The following BTN2A1 variants were observed in gnomAD, a reference collection of about 807,000 sequenced individuals.
BTN2A1 encodes the protein butyrophilin, subfamily 2, member A1.
BTN2A1 carries 41 observed loss-of-function variants against 34.5 expected under a neutral mutation model. That is an observed-to-expected ratio of 1.19 (90% CI 0.93 to 1.54). BTN2A1 has a LOEUF of 1.54. Among genes scored for constraint, BTN2A1 ranks in the 40% most tolerant of loss-of-function variants. The pLI, the probability that BTN2A1 is intolerant of heterozygous loss-of-function variation, is 0.00. For missense variants in BTN2A1, 642 were observed against 662.0 expected (o/e 0.97, Z 0.33); for synonymous variants, 267 against 258.6 (o/e 1.03, Z -0.31).
At chr6:26,472,031 A>G (rs1355889524), downstream of BTN2A1, among the ~76,000 whole-genome samples, 2 of 152,236 alleles carry the variant, frequency 1.3e-5, no homozygotes, top group African/African-American at 2.4e-5. Context: ...TTTCATGTCA[A>G]TAAATATGGA....
chr6:26,465,474 A>T (rs1391617702), intron 5 of BTN2A1, 68 bp downstream of exon 5: 3 of 1,475,742 alleles, frequency 2.0e-6, no homozygotes, highest in Non-Finnish European at 2.8e-6. Context: ...AGGCAGGCAG[A>T]TCACTTGAGC....
In BTN2A1 at chr6:26,465,414, A is replaced by G. The variant is rs1400092177; in HGVS notation, c.934+8A>G. 5.6e-6 allele frequency: 9 copies of G among 1,613,208 alleles called. No individual in the cohort carries two copies. Among genetic ancestry groups the G allele is most frequent in the Non-Finnish European group, 7.6e-6 (9 of 1,179,460 alleles). ...AAGAACTTCAAGTAAAAGGTAAAAG[A>G]GGCTGAGTATGGTGGCTCATGGCTT... On this transcript the variant is annotated splice_region_variant and intron_variant, in intron 5 of 7. Transcript: ENST00000312541.
rs1356118884 is a variant in BTN2A1, at chr6:26,469,003, C to G, written c.*454C>G. Reference sequence around the variant, plus strand: ...AGGAGAGGGAACCAGATATGCAGATCAGAGATAGAGGAAGTGGAACCAGAG... The same window carrying G: ...AGGAGAGGGAACCAGATATGCAGATGAGAGATAGAGGAAGTGGAACCAGAG... On this transcript the variant is annotated 3_prime_UTR_variant, in exon 8 of 8. Coordinates refer to ENST00000312541, the MANE Select transcript of BTN2A1 (RefSeq NM_007049.5). 2.5e-6 allele frequency: 3 copies of G among 1,189,374 alleles called. No individual in the cohort carries two copies. Among genetic ancestry groups the G allele is most frequent in the African/African-American group, 3.2e-5 (2 of 62,556 alleles). The allele number at this position is 1,189,374 out of a possible 1,614,324, so 73.7% of individuals were successfully genotyped here. A position where few individuals can be genotyped will look rare whatever the true frequency, so the allele number is the denominator to read the frequency against.
Position 26,476,112 on chromosome 6 carries a change from T to C in BTN2A1, c.983-10T>C, listed in dbSNP as rs184713324. 6 of 1,535,582 alleles carry C rather than the reference T, an allele frequency of 3.9e-6. No homozygotes were observed. In the African/African-American group the frequency reaches 6.8e-5, roughly 17 times the overall value. On this transcript the variant is annotated splice_polypyrimidine_tract_variant and intron_variant, in intron 7 of 7. Coordinates refer to the BTN2A1 transcript ENST00000469185. ...GCCTCCCTTCTCCTATGTCTCCTTTTGAGTTGTAGGGCCAGTTTGAAGCTT... is the reference window on the plus strand; with the variant it reads ...GCCTCCCTTCTCCTATGTCTCCTTTCGAGTTGTAGGGCCAGTTTGAAGCTT...
At chr6:26,471,632 CAAAAA>C (rs928702341), downstream of BTN2A1, among the ~76,000 whole-genome samples, 7 of 149,048 alleles carry the variant, frequency 4.7e-5, no homozygotes, top group Admixed American at 1.3e-4. Flanking sequence ...GTGAGACTCT[CAAAAA>C]AGAAAAGAGA....
At chr6:26,461,195 A>G (rs529473282) in intron 3 of BTN2A1, among the ~76,000 whole-genome samples, 1 of 152,336 alleles carries the variant, frequency 6.6e-6, no homozygotes, top group East Asian at 1.9e-4. Context: ...TTGACCAGTT[A>G]TGGTTTCTGC....
At chr6:26,472,454 A>G (rs1482404235), downstream of BTN2A1, among the ~76,000 whole-genome samples, 1 of 152,188 alleles carries the variant, frequency 6.6e-6, no homozygotes, top group African/African-American at 2.4e-5. Flanking sequence ...TTGTAGTATC[A>G]TTTTCTACCA....
In BTN2A1 at chr6:26,465,337, A is replaced by G. The variant is rs1763282490; in HGVS notation, c.865A>G (p.Thr289Ala). 1 of 1,614,188 alleles carries G rather than the reference A, an allele frequency of 6.2e-7. No individual in the cohort carries two copies. The highest frequency in any genetic ancestry group is 1.3e-5 in the African/African-American group (1 of 75,034). Reference protein sequence around the residue: ...LSGEKEFERETREIALKELEK... With the variant: ...LSGEKEFEREAREIALKELEK... ...AGGGGAAAAGGAGTTTGAACGGGAA[A>G]CAAGAGAAATTGCTCTAAAGGAACT... Residue 289 changes from threonine (T) to alanine (A), a missense_variant, in exon 5 of 8, where the codon ACA becomes GCA. Coordinates refer to ENST00000312541, the MANE Select transcript of BTN2A1 (RefSeq NM_007049.5).
In BTN2A1 at chr6:26,468,645, T is replaced by G. The variant is rs147833036; in HGVS notation, c.*96T>G. 1 of 1,613,930 alleles carries G rather than the reference T, an allele frequency of 6.2e-7. No individual in the cohort carries two copies. The highest frequency in any genetic ancestry group is 8.5e-7 in the Non-Finnish European group (1 of 1,180,006). ...TGGTGGAAGACACGCCCTCCTCCCC[T>G]CTGGTCACACAAGAGAACATCTTCC... On this transcript the variant is annotated 3_prime_UTR_variant, in exon 8 of 8. Transcript: ENST00000312541.
At position 26,468,545 on chromosome 6, in the gene BTN2A1, T is replaced by C. The variant is rs2113867642; in HGVS notation, c.1580T>C (p.Leu527Pro). 1.9e-6 allele frequency: 3 copies of C among 1,614,080 alleles called. No individual in the cohort carries two copies. The highest frequency in any genetic ancestry group is 2.5e-6 in the Non-Finnish European group (3 of 1,180,016). ...CACAGAGTGGGGACCCACCAGAGCC[T>C]ATAGAATCAATTCCTTGGTCTCACA... ...TLHRVGTHQSL is the reference protein window; with the variant it reads ...TLHRVGTHQSP Residue 527 changes from leucine (L) to proline (P), a missense_variant, in exon 8 of 8, where the codon CTA becomes CCA. Transcript: ENST00000312541.
rs776245238 is a variant in BTN2A1 at position 26,466,077 on chromosome 6, T to C, written c.971T>C (p.Phe324Ser). 1 of 1,613,892 alleles carries C rather than the reference T, an allele frequency of 6.2e-7. No individual in the cohort carries two copies. The highest frequency in any genetic ancestry group is 1.1e-5 in the South Asian group (1 of 91,068). Reference protein sequence around the residue: ...LQEELRWRRTFLHAVDVVLDP... With the variant: ...LQEELRWRRTSLHAVDVVLDP... The stretch of plus-strand genomic sequence containing the variant: ...TCCCTTGCAGGATGGAGAAGAACAT[T>C]CTTACATGCTGGTGAGTGCCTCTGA... Residue 324 changes from phenylalanine (F) to serine (S), a missense_variant, in exon 7 of 8, where the codon TTC (phenylalanine) becomes TCC (serine). Physicochemically the swap from Phe to Ser is radical, Grantham distance 155. Transcript: ENST00000312541.
chr6:26,463,748 TTTG>T (rs144703894), intron 4 of BTN2A1, among the ~76,000 whole-genome samples: 34,962 of 150,756 alleles, frequency 0.23, 4,898 homozygotes, highest in African/African-American at 0.4. Context: ...TAAACCTGTT[TTTG>T]TTGTTGTTGT....
chr6:26,465,619 G>A (rs1224846359), intron 5 of BTN2A1, among the ~76,000 whole-genome samples: 1 of 152,136 alleles, frequency 6.6e-6, no homozygotes, highest in Admixed American at 6.5e-5. Flanking sequence ...GCATACAGAA[G>A]AGAGAGGAAA....
Position 26,459,569 on chromosome 6 carries a change from A to C in BTN2A1, c.171A>C (p.Lys57Asn). The C allele has an allele frequency of 6.2e-7, 1 of 1,614,072 alleles. No homozygotes were observed. The highest frequency in any genetic ancestry group is 8.5e-7 in the Non-Finnish European group (1 of 1,179,994). Reference sequence around the variant, plus strand: ...TACGCTGCCATCTGTCACCCGAGAAAAATGCTGAGGACATGGAGGTGCGGT... The same window carrying C: ...TACGCTGCCATCTGTCACCCGAGAACAATGCTGAGGACATGGAGGTGCGGT... ...TTLRCHLSPEKNAEDMEVRWF... is the reference protein window; with the variant it reads ...TTLRCHLSPENNAEDMEVRWF... Residue 57 changes from lysine (K) to asparagine (N), a missense_variant, in exon 3 of 8, where the codon AAA (lysine) becomes AAC (asparagine). By Grantham distance (94) the Lys-to-Asn change is moderately conservative. Transcript: ENST00000312541.
Position 26,459,639 on chromosome 6 carries a change from G to A in BTN2A1, c.241G>A (p.Gly81Ser), listed in dbSNP as rs1763106898. ...CCCCGCAGTGTTTGTGTATAAAGGT[G>A]GCAGAGAGAGAACAGAGGAGCAGAT... ...FSPAVFVYKG[G>S]RERTEEQMEE... The change falls in exon 3 of 8, where the codon GGC (glycine) becomes AGC (serine). Residue 81 changes from glycine to serine, a missense_variant. Transcript: ENST00000312541. 1 of 1,613,974 alleles carries A rather than the reference G, an allele frequency of 6.2e-7. No homozygotes were observed. The highest frequency in any genetic ancestry group is 1.7e-5 in the Admixed American group (1 of 59,988).
At chr6:26,471,245 A>G (rs1763444039), downstream of BTN2A1, among the ~76,000 whole-genome samples, 1 of 152,212 alleles carries the variant, frequency 6.6e-6, no homozygotes, top group Non-Finnish European at 1.5e-5. Context: ...GCTATGACAA[A>G]TATACCAAGA....
Position 26,459,489 on chromosome 6 carries a change from A to G in BTN2A1, c.91A>G (p.Ile31Val). 6.2e-7 allele frequency: 1 copy of G among 1,613,592 alleles called. No homozygotes were observed. Among genetic ancestry groups the G allele is most frequent in the Non-Finnish European group, 8.5e-7 (1 of 1,179,710 alleles). The change falls in exon 3 of 8, where the codon ATT becomes GTT. Residue 31 changes from isoleucine (I) to valine (V), a missense_variant. Physicochemically the swap from Ile to Val is conservative, Grantham distance 29 (BLOSUM62 3). Transcript: ENST00000312541. ...ACCCCTTTGTTGAACAGCCCAGTTT[A>G]TTGTCGTGGGGCCCACTGATCCCAT... ...SLCALVSAQF[I>V]VVGPTDPILA...
At chr6:26,458,544 G>T in intron 1 of BTN2A1, 63 bp from the exon 2 acceptor site, 1 of 1,353,738 alleles carries the variant, frequency 7.4e-7, no homozygotes, top group Non-Finnish European at 1.1e-6. Flanking sequence ...TGACGGGAGA[G>T]GTTGGGCCCG....
intron 1 of BTN2A1, among the ~76,000 whole-genome samples, 167 bp downstream of exon 1, chr6:26,458,309 G>A (rs907267870): frequency 2.0e-5 from 3 of 152,168 alleles, no homozygotes; most frequent in African/African-American, 7.2e-5. Flanking sequence ...GGGTCGCGGG[G>A]AGGAGGAAGT....
Sources: allele counts gnomAD v4.1 joint callset (sites outside exome capture counted in the v4.1 genomes callset), GRCh38; gene constraint gnomAD v4.1.1; transcripts MANE v1.5; gene names NCBI Gene and HGNC (gene_info 2026-07-23, HGNC 2026-07-21).